The following R3HDM4 variants were observed in gnomAD, a reference collection of about 807,000 sequenced individuals.
R3HDM4 encodes the protein R3H domain-containing protein 4.
A neutral mutation model predicts 31.3 loss-of-function variants in R3HDM4; 30 were observed. The ratio of observed to expected loss-of-function variants is 0.96; its 90% CI spans 0.72 to 1.30. R3HDM4 has a LOEUF of 1.30. Ranked by LOEUF, R3HDM4 falls within the 50% of genes most tolerant of loss-of-function variation. The probability of loss-of-function intolerance (pLI) is 0.00; values close to 1 mark genes in which losing one functional copy is unlikely to be tolerated. For synonymous variants in R3HDM4, 196 were observed against 156.6 expected (o/e 1.25, Z -1.88); for missense variants, 444 against 366.1 (o/e 1.21, Z -1.74).
At chr19:898,875 T>C (rs1013157859) in intron 7 of R3HDM4, among the ~76,000 whole-genome samples, 2 of 152,086 alleles carry the variant, frequency 1.3e-5, no homozygotes, top group African/African-American at 4.8e-5. Flanking sequence ...CCATGGAAAC[T>C]GTCACCTCGG....
chr19:913,064 GC>G lies in R3HDM4; in HGVS notation c.71+22del. 1.1e-6 allele frequency: 1 copy of G among 896,130 alleles called. No individual in the cohort carries two copies. Among genetic ancestry groups the G allele is most frequent in the Non-Finnish European group, 1.4e-6 (1 of 736,500 alleles). 55.5% of individuals were successfully genotyped at this position (896,130 alleles called of 1,614,324 possible). On this transcript the variant is annotated intron_variant, in intron 1 of 7. Coordinates refer to ENST00000361574, the MANE Select transcript of R3HDM4 (RefSeq NM_138774.4). This position sits in a 1 kb window ranked among gnomAD's most constrained non-coding sequence, Gnocchi z 5.0. ...GCCCAGCCCGCCCCCGGCGCCCGCC[GC>G]GCCCCGCCCGCCCGCGCTCACAGCA...
chr19:912,852 G>T (rs350156), intron 1 of R3HDM4, among the ~76,000 whole-genome samples: 3 of 151,296 alleles, frequency 2.0e-5, no homozygotes, highest in Admixed American at 6.6e-5. Context: ...AGCGCCAGGA[G>T]GGTGTCCCCG....
Position 897,421 on chromosome 19 carries a change from C to G in R3HDM4, c.*16G>C, listed in dbSNP as rs777227206. 12 of 1,566,014 alleles carry G rather than the reference C, an allele frequency of 7.7e-6. No homozygotes were observed. The East Asian group carries it at 2.5e-4, about 33-fold the overall frequency. On this transcript the variant is annotated 3_prime_UTR_variant, in exon 8 of 8. Coordinates refer to ENST00000361574, the MANE Select transcript of R3HDM4 (RefSeq NM_138774.4). ...TGGCTGGGCGAGGTGGCAGCGGGGT[C>G]TCCGCGGGGCCGCCATCAGCTGTGC... is the stretch of plus-strand genomic sequence containing the variant.
In R3HDM4 at chr19:901,985, G is replaced by A. The variant is rs766711155; in HGVS notation, c.217C>T (p.Leu73=). The change falls in exon 2 of 8, where the codon CTG becomes TTG. Residue 73 remains leucine, a synonymous_variant. Transcript: ENST00000361574. ...KAKGRKSLQR[L]ENTQYLLTLL... ...CCCGACCCCTGCTCACTGTTCTCCA[G>A]GCGCTGGAGGCTCTTCCGCCCCTTG... 3 of 1,613,692 alleles carry A rather than the reference G, an allele frequency of 1.9e-6. No individual in the cohort carries two copies. The South Asian group carries it at 3.3e-5, about 18-fold the overall frequency.
Position 899,994 on chromosome 19 carries a change from C to T in R3HDM4, c.561+67G>A, listed in dbSNP as rs1306143599. On this transcript the variant is annotated intron_variant, in intron 5 of 7. Transcript: ENST00000361574. This position sits in a 1 kb window ranked among gnomAD's most constrained non-coding sequence, Gnocchi z 6.8. ...ACCTGCACCGGGTGAGAACCTGTGC[C>T]TGGGAAACGGGCCTTCAAAAAAGAC... The T allele has an allele frequency of 6.7e-7, 1 of 1,490,042 alleles. No homozygotes were observed. Among genetic ancestry groups the T allele is most frequent in the African/African-American group, 1.4e-5 (1 of 72,380 alleles). The allele number at this position is 1,490,042 out of a possible 1,614,324, so 92.3% of individuals were successfully genotyped here.
At chr19:901,304 T>G in intron 3 of R3HDM4, 118 bp downstream of exon 3, 2 of 1,138,906 alleles carry the variant, frequency 1.8e-6, no homozygotes, top group Non-Finnish European at 2.5e-6. Flanking sequence ...GGGGCCTTCA[T>G]TAGGAGATCA....
intron 1 of R3HDM4, among the ~76,000 whole-genome samples, chr19:905,084 TG>T (rs2036885396): frequency 6.6e-6 from 1 of 152,084 alleles, no homozygotes; most frequent in Non-Finnish European, 1.5e-5. Context: ...GGCATGCACC[TG>T]TAATTCCAGT....
chr19:897,349 T>C lies in R3HDM4; in HGVS notation c.*88A>G. 9.6e-7 allele frequency: 1 copy of C among 1,038,600 alleles called. No individual in the cohort carries two copies. The highest frequency in any genetic ancestry group is 1.7e-5 in the South Asian group (1 of 60,088). 64.3% of individuals were successfully genotyped at this position (1,038,600 alleles called of 1,614,324 possible). A position where few individuals can be genotyped will look rare whatever the true frequency, so the allele number is the denominator to read the frequency against. On this transcript the variant is annotated 3_prime_UTR_variant, in exon 8 of 8. Transcript: ENST00000361574. ...GCGAAAAAGGTTTCCGAGGACAAATTCTAAAAATATGAAAGATATTTTAGC... is the reference window on the plus strand; with the variant it reads ...GCGAAAAAGGTTTCCGAGGACAAATCCTAAAAATATGAAAGATATTTTAGC...
intron 2 of R3HDM4, 164 bp downstream of exon 2, chr19:901,812 G>A: frequency 1.1e-6 from 1 of 897,354 alleles, no homozygotes; most frequent in Non-Finnish European, 1.7e-6. Flanking sequence ...GGGCGCCTGT[G>A]TCTGGCTCTA....
chr19:912,045 G>T (rs1346715567), intron 1 of R3HDM4, among the ~76,000 whole-genome samples: 1 of 144,788 alleles, frequency 6.9e-6, no homozygotes, highest in African/African-American at 2.6e-5. Flanking sequence ...CTGGCACCTC[G>T]GGGCCCGGGG....
rs536987667 is a variant in R3HDM4, at chr19:898,277, C to G, written c.704-737G>C. On this transcript the variant is annotated intron_variant, in intron 7 of 7. Coordinates refer to ENST00000361574, the MANE Select transcript of R3HDM4 (RefSeq NM_138774.4). The stretch of plus-strand genomic sequence containing the variant: ...AAAATTAGCAGGGCGTGGTGGCGGG[C>G]ACCTGTAGTCCCAGCTACTCGGGAG... Among the ~76,000 whole-genome samples the G allele has an allele frequency of 5.3e-5, 8 of 149,974 alleles. No homozygotes were observed. The East Asian group carries it at 1.6e-3, about 29-fold the overall frequency.
chr19:903,296 G>A (rs377707453), intron 1 of R3HDM4, among the ~76,000 whole-genome samples: 13 of 151,680 alleles, frequency 8.6e-5, no homozygotes, highest in South Asian at 4.2e-4. Flanking sequence ...CGGCTGCAGC[G>A]GCCCCCCTCC....
chr19:913,177 C>T lies in R3HDM4; in HGVS notation c.-20G>A, dbSNP rs1056623708. The T allele has an allele frequency of 1.3e-4, 133 of 1,060,586 alleles. No homozygotes were observed. The highest frequency in any genetic ancestry group is 1.4e-4 in the Non-Finnish European group (124 of 881,244). 65.7% of individuals were successfully genotyped at this position (1,060,586 alleles called of 1,614,324 possible). ...GACCATGGCTCGCACGCTGTCGCCG[C>T]CGCCGCCGCCCGGCAGGGCCTTCAC... On this transcript the variant is annotated 5_prime_UTR_variant, in exon 1 of 8. Coordinates refer to ENST00000361574, the MANE Select transcript of R3HDM4 (RefSeq NM_138774.4). This position sits in a 1 kb window ranked among gnomAD's most constrained non-coding sequence, Gnocchi z 5.0.
At chr19:906,809 T>TTTTTGTTTTG (rs60860170) in intron 1 of R3HDM4, among the ~76,000 whole-genome samples, 79,160 of 149,570 alleles carry the variant, frequency 0.53, 21,979 homozygotes, top group Non-Finnish European at 0.62. Context: ...ATTTGGGGTT[T>TTTTTGTTTTG]TTTTGTTTTG....
At position 899,163 on chromosome 19, in the gene R3HDM4, C is replaced by T. The variant is rs1482067831; in HGVS notation, c.703+277G>A. The stretch of plus-strand genomic sequence containing the variant: ...TCCCTCAAATCCAGGCTTCATCACC[C>T]CCACCCCGGGCCCCGAAGATGCAGA... On this transcript the variant is annotated intron_variant, in intron 7 of 7. Transcript: ENST00000361574. This position sits in a 1 kb window ranked among gnomAD's most constrained non-coding sequence, Gnocchi z 6.8. Among the ~76,000 whole-genome samples the T allele has an allele frequency of 6.6e-6, 1 of 152,106 alleles. No homozygotes were observed. Among genetic ancestry groups the T allele is most frequent in the Non-Finnish European group, 1.5e-5 (1 of 67,986 alleles).
At position 900,160 on chromosome 19, in the gene R3HDM4, G is replaced by A. The variant is rs1351019627; in HGVS notation, c.476-14C>T. The stretch of plus-strand genomic sequence containing the variant: ...AGGCGGGGTCCTCTGCAGGAGTGGG[G>A]GAACAAGGGGCAGTCTTGGGGTGCT... On this transcript the variant is annotated splice_polypyrimidine_tract_variant and intron_variant, in intron 4 of 7. Transcript: ENST00000361574. 3 of 1,548,550 alleles carry A rather than the reference G, an allele frequency of 1.9e-6. No homozygotes were observed. The highest frequency in any genetic ancestry group is 1.4e-5 in the African/African-American group (1 of 72,244).
chr19:899,617 C>T lies in R3HDM4; in HGVS notation c.631G>A (p.Ala211Thr). ...FSVSPQAVYT[A>T]MLDNSFERLL... is the part of the protein sequence containing the mutation. ...CCCCCTTACCTGTTGTCTAGCATTG[C>T]TGTGTACACGGCCTGGGGGGACACG... Residue 211 changes from alanine (A) to threonine (T), a missense_variant, in exon 6 of 8, where the codon GCA becomes ACA. Ala to Thr is a moderately conservative substitution (Grantham distance 58). Transcript: ENST00000361574. This position sits in a 1 kb window ranked among gnomAD's most constrained non-coding sequence, Gnocchi z 6.8. The T allele has an allele frequency of 6.2e-7, 1 of 1,612,278 alleles. No individual in the cohort carries two copies. The highest frequency in any genetic ancestry group is 8.5e-7 in the Non-Finnish European group (1 of 1,179,426).
Position 901,401 on chromosome 19 carries a change from TG to T in R3HDM4, c.351+20del, listed in dbSNP as rs564666600. On this transcript the variant is annotated intron_variant, in intron 3 of 7. Coordinates refer to ENST00000361574, the MANE Select transcript of R3HDM4 (RefSeq NM_138774.4). Reference sequence around the variant, plus strand: ...TGCCGGGGTCCCCGTGTGGAGGGAGTGAGGGGGTTGGGGGCCACACCTCCAC... The same window carrying T: ...TGCCGGGGTCCCCGTGTGGAGGGAGTAGGGGGTTGGGGGCCACACCTCCAC... 1.9e-3 allele frequency: 3,023 copies of T among 1,594,048 alleles called. 6 individuals carry two copies. Among genetic ancestry groups the T allele is most frequent in the Admixed American group, 2.9e-3 (168 of 58,710 alleles).
At chr19:908,909 C>G (rs1488686496) in intron 1 of R3HDM4, among the ~76,000 whole-genome samples, 1 of 152,220 alleles carries the variant, frequency 6.6e-6, no homozygotes, top group Non-Finnish European at 1.5e-5. Flanking sequence ...ACCGCCGCCC[C>G]CCGGTCCTGG....
Sources: gnomAD v4.1 joint callset for allele counts (sites outside exome capture counted in the v4.1 genomes callset) on GRCh38, gnomAD v4.1.1 for gene constraint, Gnocchi (gnomAD v3.1) non-coding constraint, MANE v1.5 for transcripts, NCBI Gene and HGNC (gene_info 2026-07-23, HGNC 2026-07-21) for gene names.